Variants in RALGAPA1 observed in about 807,000 individuals in gnomAD.
RALGAPA1 encodes the protein Ral GTPase activating protein catalytic subunit alpha 1.
Under a neutral mutation model 269.6 loss-of-function variants are expected in RALGAPA1, and 52 were observed. The observed-to-expected ratio is 0.19, with a 90% CI of 0.15 to 0.24. The LOEUF is 0.24. Among genes scored for constraint, RALGAPA1 ranks in the 10% least tolerant of loss-of-function variants. The pLI is 1.00. For missense variants in RALGAPA1, 1,917 were observed against 3,013.9 expected, an observed-to-expected ratio of 0.64 and a Z score of 8.52; for synonymous variants, 817 against 1,008.3, an observed-to-expected ratio of 0.81 and a Z score of 3.60.
intron 26 of RALGAPA1, among the ~76,000 whole-genome samples, chr14:35,669,477 C>T (rs574495449): frequency 2.0e-5 from 3 of 152,178 alleles, no homozygotes; most frequent in Non-Finnish European, 4.4e-5. Flanking sequence ...TAGTCTTGAA[C>T]TCCTGACCTC....
chr14:35,590,019 T>C (rs1039212560), intron 37 of RALGAPA1, among the ~76,000 whole-genome samples: 4 of 152,218 alleles, frequency 2.6e-5, no homozygotes, highest in African/African-American at 9.6e-5. Flanking sequence ...ACTATACTTA[T>C]AACTGTGTCT....
chr14:35,572,573 A>G lies in RALGAPA1; in HGVS notation c.7355T>C (p.Met2452Thr). The change falls in exon 38 of 42, where the codon ATG becomes ACG. Residue 2452 changes from methionine (M) to threonine (T), a missense_variant. By Grantham distance (81) the Met-to-Thr change is moderately conservative. Coordinates refer to ENST00000680220, the MANE Select transcript of RALGAPA1 (RefSeq NM_001346249.2). ...AGGAGTTCTTACCTCTGGTTTTTTC[A>G]TTATCTGAATACTGAACATGTGATT... ...MKNHMFSIQI[M>T]KKPEVPFFGP... The G allele has an allele frequency of 6.3e-7, 1 of 1,599,478 alleles. No homozygotes were observed. Among genetic ancestry groups the G allele is most frequent in the Non-Finnish European group, 8.5e-7 (1 of 1,174,552 alleles).
At chr14:35,776,586 A>G (rs934976787) in intron 1 of RALGAPA1, among the ~76,000 whole-genome samples, 1 of 152,214 alleles carries the variant, frequency 6.6e-6, no homozygotes. Context: ...TGTTAGTACT[A>G]AAAGTGAGAT....
chr14:35,716,340 G>A (rs1243693710), intron 16 of RALGAPA1, among the ~76,000 whole-genome samples: 24 of 145,392 alleles, frequency 1.7e-4, no homozygotes, highest in Non-Finnish European at 1.5e-4. Context: ...GGAGGTTGCA[G>A]TGAGCTGAGA....
chr14:35,745,294 C>T (rs1487462212), intron 10 of RALGAPA1, among the ~76,000 whole-genome samples: 1 of 152,030 alleles, frequency 6.6e-6, no homozygotes, highest in Non-Finnish European at 1.5e-5. Flanking sequence ...GCAGGAGGTA[C>T]CCACATGTCT....
At chr14:35,554,364 TGAGACGGAG>T (rs1489326004) in intron 39 of RALGAPA1, among the ~76,000 whole-genome samples, 1 of 118,494 alleles carries the variant, frequency 8.4e-6, no homozygotes, top group Non-Finnish European at 1.6e-5. Context: ...TTTTTTTTTT[TGAGACGGAG>T]TCTCACTCTG....
At chr14:35,541,909 A>C (rs1012155854) in intron 41 of RALGAPA1, 1 of 603,144 alleles carries the variant, frequency 1.7e-6, no homozygotes, top group Non-Finnish European at 2.8e-6. Context: ...CTAGGTGTTA[A>C]CTGAGGAGCA....
intron 35 of RALGAPA1, among the ~76,000 whole-genome samples, chr14:35,623,201 T>G (rs953063280): frequency 2.0e-5 from 3 of 150,896 alleles, no homozygotes; most frequent in Admixed American, 1.3e-4. Context: ...AGAAAAAAAT[T>G]GAGAGAAATG....
intron 36 of RALGAPA1, among the ~76,000 whole-genome samples, chr14:35,601,854 T>C (rs2059309236): frequency 6.6e-6 from 1 of 152,176 alleles, no homozygotes; most frequent in South Asian, 2.1e-4. Context: ...ATCTCCTCTG[T>C]ACAATTTAAT....
At chr14:35,699,465 C>T (rs1011058657) in intron 17 of RALGAPA1, among the ~76,000 whole-genome samples, 1 of 152,012 alleles carries the variant, frequency 6.6e-6, no homozygotes, top group African/African-American at 2.4e-5. Context: ...CATTTTATTA[C>T]ATGTTAATTA....
chr14:35,624,044 A>G (rs2060823999), intron 35 of RALGAPA1, among the ~76,000 whole-genome samples: 1 of 150,854 alleles, frequency 6.6e-6, no homozygotes, highest in African/African-American at 2.4e-5. Flanking sequence ...CCGAGATCGC[A>G]CCACTGCACT....
At chr14:35,642,288 G>T (rs530328383) in intron 31 of RALGAPA1, among the ~76,000 whole-genome samples, 10 of 152,032 alleles carry the variant, frequency 6.6e-5, no homozygotes, top group Non-Finnish European at 1.3e-4. Context: ...AAAGTAAATG[G>T]TCAACAAAGT....
At chr14:35,770,099 G>T (rs2074502848) in intron 4 of RALGAPA1, among the ~76,000 whole-genome samples, 1 of 152,086 alleles carries the variant, frequency 6.6e-6, no homozygotes, top group African/African-American at 2.4e-5. Flanking sequence ...TGGAAAGTTG[G>T]TTTAACATTT....
At chr14:35,620,599 A>G (rs1182401404) in intron 35 of RALGAPA1, among the ~76,000 whole-genome samples, 1 of 152,194 alleles carries the variant, frequency 6.6e-6, no homozygotes, top group Non-Finnish European at 1.5e-5. Flanking sequence ...ACATGATCGT[A>G]TATTTAGAAA....
At position 35,674,565 on chromosome 14, in the gene RALGAPA1, T is replaced by G; in HGVS notation, c.4769A>C (p.His1590Pro). 1 of 1,608,512 alleles carries G rather than the reference T, an allele frequency of 6.2e-7. No individual in the cohort carries two copies. Among genetic ancestry groups the G allele is most frequent in the Non-Finnish European group, 8.5e-7 (1 of 1,178,000 alleles). ...DVNSIMDPEI[H>P]AQVFDYLCEL... ...ACAGAGGTAATCAAAAACTTGAGCA[T>G]GTATTTCAGGATCCATGATTGAATT... The change falls in exon 23 of 42, where the codon CAT becomes CCT. Residue 1590 changes from histidine to proline, a missense_variant. Transcript: ENST00000680220.
intron 39 of RALGAPA1, among the ~76,000 whole-genome samples, chr14:35,568,245 C>T (rs2056871897): frequency 6.6e-6 from 1 of 151,968 alleles, no homozygotes; most frequent in African/African-American, 2.4e-5. Context: ...ACATGACACT[C>T]AAAGGAAACA....
intron 7 of RALGAPA1, 85 bp downstream of exon 7, chr14:35,756,708 A>G (rs2073205277): frequency 1.0e-6 from 1 of 976,072 alleles, no homozygotes; most frequent in Non-Finnish European, 1.5e-6. Context: ...AATATCTACT[A>G]TGACAGAATA....
At chr14:35,602,825 A>G (rs1010906909) in intron 36 of RALGAPA1, among the ~76,000 whole-genome samples, 3 of 152,224 alleles carry the variant, frequency 2.0e-5, no homozygotes, top group Non-Finnish European at 4.4e-5. Flanking sequence ...GCAAAATCCA[A>G]GATAATGAGG....
At chr14:35,786,172 CAT>C (rs1222982621) in intron 1 of RALGAPA1, among the ~76,000 whole-genome samples, 1 of 151,614 alleles carries the variant, frequency 6.6e-6, no homozygotes, top group Non-Finnish European at 1.5e-5. Context: ...GAAAAAAAAA[CAT>C]AAGAGAAGGA....
Sources: allele counts gnomAD v4.1 joint callset (sites outside exome capture counted in the v4.1 genomes callset), GRCh38; gene constraint gnomAD v4.1.1; transcripts MANE v1.5; gene names NCBI Gene and HGNC (gene_info 2026-07-23, HGNC 2026-07-21).